Variants in VASH2 observed in about 807,000 individuals in gnomAD.
VASH2 encodes vasohibin 2.
VASH2 carries 28 observed loss-of-function variants against 37.2 expected under a neutral mutation model. The ratio of observed to expected loss-of-function variants is 0.75; its 90% confidence interval spans 0.56 to 1.03. VASH2 has a LOEUF of 1.03. Ranked by LOEUF, VASH2 falls within the 50% of genes least tolerant of loss-of-function variation. The pLI is 0.00. For synonymous variants in VASH2, 188 were observed against 174.7 expected (o/e 1.08, Z -0.60); for missense variants, 419 against 459.1 (o/e 0.91, Z 0.80).
Position 212,951,903 on chromosome 1 carries a change from G to A in VASH2, c.276+85G>A, listed in dbSNP as rs1666323863. 3 of 1,432,600 alleles carry A rather than the reference G, an allele frequency of 2.1e-6. No individual in the cohort carries two copies. The South Asian group carries it at 4.0e-5, about 19-fold the overall frequency. The allele number at this position is 1,432,600 out of a possible 1,614,324, so 88.7% of individuals were successfully genotyped here. ...TTTCAGCCTATACATAGCAAACACA[G>A]GCAATCTCCATTTTCCTAGTCCTGC... On this transcript the variant is annotated intron_variant, in intron 2 of 7. Coordinates refer to ENST00000517399, the MANE Select transcript of VASH2 (RefSeq NM_001301056.2). This position sits in a 1 kb window ranked among gnomAD's most constrained non-coding sequence, Gnocchi z 4.4.
intron 7 of VASH2, among the ~76,000 whole-genome samples, chr1:212,982,485 G>A (rs763522009): frequency 6.6e-6 from 1 of 152,082 alleles, no homozygotes; most frequent in Non-Finnish European, 1.5e-5. Context: ...CCTAGTGCTC[G>A]TGTTTCTTAA....
rs956837916 is a variant in VASH2, at chr1:212,971,346, T to C, written c.498-1234T>C. On this transcript the variant is annotated intron_variant, in intron 5 of 7. Coordinates refer to ENST00000517399, the MANE Select transcript of VASH2 (RefSeq NM_001301056.2). This position sits in a 1 kb window ranked among gnomAD's most constrained non-coding sequence, Gnocchi z 4.0. ...ATTGCCAGGTCCTAGGGTAATCCTG[T>C]TGAATTATTTGAGGAATTGCCATAC... Among the ~76,000 whole-genome samples the C allele has an allele frequency of 5.3e-5, 8 of 152,176 alleles. No individual in the cohort carries two copies. Among genetic ancestry groups the C allele is most frequent in the African/African-American group, 1.7e-4 (7 of 41,446 alleles).
At chr1:212,970,919 C>T (rs1463909773) in intron 5 of VASH2, among the ~76,000 whole-genome samples, 1 of 151,742 alleles carries the variant, frequency 6.6e-6, no homozygotes, top group Non-Finnish European at 1.5e-5. Context: ...GACCACCATT[C>T]CTCCCCAGAA....
rs17020050 is a variant in VASH2 at position 212,955,548 on chromosome 1, G to A, written c.276+3730G>A. Among the ~76,000 whole-genome samples, 409 of 152,330 alleles carry A rather than the reference G, an allele frequency of 2.7e-3. 4 individuals are homozygous for A. Among genetic ancestry groups the A allele is most frequent in the African/African-American group, 9.3e-3 (388 of 41,584 alleles). ...AGAGTGGCCAGCCCAGAAGAAAACAGTGGGCATTCTAGGAAAATTCTAGGA... is the reference window on the plus strand; with the variant it reads ...AGAGTGGCCAGCCCAGAAGAAAACAATGGGCATTCTAGGAAAATTCTAGGA... On this transcript the variant is annotated intron_variant, in intron 2 of 7. Transcript: ENST00000517399.
At position 212,972,832 on chromosome 1, in the gene VASH2, G is replaced by C. The variant is rs772695732; in HGVS notation, c.750G>C (p.Leu250=). The C allele has an allele frequency of 1.2e-6, 2 of 1,614,192 alleles. No homozygotes were observed. The highest frequency in any genetic ancestry group is 1.6e-4 in the Middle Eastern group (1 of 6,062). The part of the protein sequence containing the change: ...LHTVKKVKIG[L]YVPHEPHSFQ... Reference sequence around the variant, plus strand: ...CAGTCAAGAAGGTCAAGATTGGGCTGTACGTCCCCCATGAGCCTCATAGCT... The same window carrying C: ...CAGTCAAGAAGGTCAAGATTGGGCTCTACGTCCCCCATGAGCCTCATAGCT... Residue 250 remains leucine (L), a synonymous_variant, in exon 6 of 8, where the codon CTG becomes CTC. Transcript: ENST00000517399.
At chr1:212,954,866 T>A (rs1426746654) in intron 2 of VASH2, among the ~76,000 whole-genome samples, 1 of 152,150 alleles carries the variant, frequency 6.6e-6, no homozygotes, top group Non-Finnish European at 1.5e-5. Flanking sequence ...ACTTAACATT[T>A]CTCTCACATT....
chr1:212,968,534 C>T (rs1666914452), intron 5 of VASH2: 1 of 985,394 alleles, frequency 1.0e-6, no homozygotes, highest in African/African-American at 1.7e-5. Flanking sequence ...AGATTGACCA[C>T]AGGTGCCTTG....
intron 3 of VASH2, 107 bp downstream of exon 3, chr1:212,961,361 G>A: frequency 6.3e-7 from 1 of 1,584,714 alleles, no homozygotes; most frequent in Non-Finnish European, 8.6e-7. Context: ...GCTCTCTAAG[G>A]TTGGTGAGGC....
At chr1:212,958,758 A>C (rs1666574304) in intron 2 of VASH2, among the ~76,000 whole-genome samples, 1 of 152,074 alleles carries the variant, frequency 6.6e-6, no homozygotes, top group Non-Finnish European at 1.5e-5. Flanking sequence ...CTGTCACTCA[A>C]GCTGGAGTGC....
intron 3 of VASH2, among the ~76,000 whole-genome samples, chr1:212,962,632 C>T (rs1295509360): frequency 1.3e-5 from 2 of 152,250 alleles, no homozygotes; most frequent in Non-Finnish European, 2.9e-5. Context: ...ACACCAATTT[C>T]TGCTCATTTG....
Position 212,973,956 on chromosome 1 carries a change from T to A in VASH2, c.881T>A (p.Ile294Asn). 6 of 1,613,338 alleles carry A rather than the reference T, an allele frequency of 3.7e-6. No homozygotes were observed. Among genetic ancestry groups the A allele is most frequent in the Non-Finnish European group, 5.1e-6 (6 of 1,179,700 alleles). ...ATTAACTCCTCACATCTCCTTCAGA[T>A]CCTGAAACCTGCAAGTGCCCACTCT... is the stretch of plus-strand genomic sequence containing the variant. ...EKYARDMRMK[I>N]LKPASAHSPT... Residue 294 changes from isoleucine (I) to asparagine (N), a missense_variant and splice_region_variant, in exon 7 of 8, where the codon ATC becomes AAC. Physicochemically the swap from Ile to Asn is moderately radical, Grantham distance 149. This residue lies in a region of VASH2 where 177 missense variants were observed against 166.2 expected (regional missense o/e 1.06). Transcript: ENST00000517399.
At chr1:212,961,529 C>G (rs1558143511) in intron 3 of VASH2, among the ~76,000 whole-genome samples, 1 of 152,100 alleles carries the variant, frequency 6.6e-6, no homozygotes, top group Non-Finnish European at 1.5e-5. Context: ...CTGAGCACCC[C>G]TCTTCCTTCT....
intron 5 of VASH2, among the ~76,000 whole-genome samples, chr1:212,970,844 C>T (rs774296793): frequency 3.3e-5 from 5 of 151,656 alleles, no homozygotes; most frequent in Non-Finnish European, 5.9e-5. Context: ...GAGCTGAGAT[C>T]GCACCACTGC....
At position 212,965,708 on chromosome 1, in the gene VASH2, C is replaced by T. The variant is rs755979662; in HGVS notation, c.366-14C>T. On this transcript the variant is annotated splice_polypyrimidine_tract_variant and intron_variant, in intron 3 of 7. Transcript: ENST00000517399. ...GGAGTTTTCTGTCACTTTCCCTTTA[C>T]ATACTTTACACAGATATAATCACAC... 3.2e-6 allele frequency: 5 copies of T among 1,549,540 alleles called. No individual in the cohort carries two copies. The highest frequency in any genetic ancestry group is 2.7e-5 in the African/African-American group (2 of 73,000).
At chr1:212,955,674 A>G (rs996058082) in intron 2 of VASH2, among the ~76,000 whole-genome samples, 1 of 152,212 alleles carries the variant, frequency 6.6e-6, no homozygotes, top group African/African-American at 2.4e-5. Flanking sequence ...TGCAGACCTC[A>G]CTTCTTGTGC....
chr1:212,969,194 CTT>C (rs35147263), intron 5 of VASH2: 26,135 of 884,002 alleles, frequency 0.03, 9 homozygotes, highest in Middle Eastern at 0.032. Flanking sequence ...AATTCTTCTT[CTT>C]TTTTTTTTTT....
At position 212,973,964 on chromosome 1, in the gene VASH2, C is replaced by G; in HGVS notation, c.889C>G (p.Pro297Ala). 1 of 1,613,534 alleles carries G rather than the reference C, an allele frequency of 6.2e-7. No individual in the cohort carries two copies. Among genetic ancestry groups the G allele is most frequent in the Non-Finnish European group, 8.5e-7 (1 of 1,179,782 alleles). ...CTCACATCTCCTTCAGATCCTGAAA[C>G]CTGCAAGTGCCCACTCTCCGACCCA... ...ARDMRMKILK[P>A]ASAHSPTQVR... The change falls in exon 7 of 8, where the codon CCT (proline) becomes GCT (alanine). Residue 297 changes from proline (P) to alanine (A), a missense_variant. Physicochemically the swap from Pro to Ala is conservative, Grantham distance 27. Coordinates refer to ENST00000517399, the MANE Select transcript of VASH2 (RefSeq NM_001301056.2).
chr1:212,973,580 A>G, intron 6 of VASH2: 3 of 1,259,142 alleles, frequency 2.4e-6, no homozygotes, highest in Non-Finnish European at 3.1e-6. Context: ...GGAGCATCAG[A>G]GGAAGAACAG....
chr1:212,968,321 T>G (rs1024417786), intron 5 of VASH2: 17 of 985,234 alleles, frequency 1.7e-5, no homozygotes, highest in Non-Finnish European at 2.0e-5. Context: ...TGAAAGAGAC[T>G]TAAGAAGGAA....
Sources: gnomAD v4.1 joint callset for allele counts (sites outside exome capture counted in the v4.1 genomes callset) on GRCh38, gnomAD v4.1.1 for gene constraint, gnomAD v4.1.1 regional missense constraint, Gnocchi (gnomAD v3.1) non-coding constraint, MANE v1.5 for transcripts, NCBI Gene and HGNC (gene_info 2026-07-23, HGNC 2026-07-21) for gene names.